MTHFD1L: variants seen among roughly 807,000 people sequenced by gnomAD.
MTHFD1L encodes the protein monofunctional C1-tetrahydrofolate synthase, mitochondrial.
A neutral mutation model predicts 119.5 loss-of-function variants in MTHFD1L; 81 were observed. That is an observed-to-expected ratio of 0.68 (90% CI 0.57 to 0.82). The LOEUF is 0.82. MTHFD1L is among the 40% of genes least tolerant of loss of function. MTHFD1L has a pLI of 0.00. For synonymous variants in MTHFD1L, 430 were observed against 475.2 expected (o/e 0.90, Z 1.24); for missense variants, 1,125 against 1,253.4 (o/e 0.90, Z 1.55).
intron 26 of MTHFD1L, among the ~76,000 whole-genome samples, chr6:151,044,660 A>C (rs1437691292): frequency 6.6e-6 from 1 of 152,038 alleles, no homozygotes; most frequent in Non-Finnish European, 1.5e-5. Flanking sequence ...CTCATGGTGG[A>C]AACCTGCCCA....
At position 151,030,525 on chromosome 6, in the gene MTHFD1L, T is replaced by C. The variant is rs148424101; in HGVS notation, c.2587-3968T>C. Among the ~76,000 whole-genome samples, 15 of 152,342 alleles carry C rather than the reference T, an allele frequency of 9.8e-5. No homozygotes were observed. In the East Asian group the frequency reaches 2.3e-3, roughly 24 times the overall value. ...AAAAAAGGTTGTTCCTTGCCAGGCATTGGTTGATCAGCAGAGGAGCTCGCA... is the reference window on the plus strand; with the variant it reads ...AAAAAAGGTTGTTCCTTGCCAGGCACTGGTTGATCAGCAGAGGAGCTCGCA... On this transcript the variant is annotated intron_variant, in intron 24 of 27. Coordinates refer to ENST00000367321, the MANE Select transcript of MTHFD1L (RefSeq NM_015440.5).
At chr6:150,963,124 C>T (rs1771804) in intron 18 of MTHFD1L, among the ~76,000 whole-genome samples, 69,323 of 151,660 alleles carry the variant, frequency 0.46, 16,774 homozygotes, top group South Asian at 0.55. Context: ...CTATGTTGGC[C>T]AGGCTGGTCT....
chr6:151,024,183 T>C (rs1784331223), intron 24 of MTHFD1L, among the ~76,000 whole-genome samples: 1 of 152,112 alleles, frequency 6.6e-6, no homozygotes, highest in Non-Finnish European at 1.5e-5. Context: ...CATTTCGCTC[T>C]TGTAACACAT....
At chr6:150,887,101 A>G (rs1201310194) in intron 6 of MTHFD1L, among the ~76,000 whole-genome samples, 1 of 152,150 alleles carries the variant, frequency 6.6e-6, no homozygotes, top group African/African-American at 2.4e-5. Context: ...TGAACATCCA[A>G]CAATCAAAGA....
intron 16 of MTHFD1L, among the ~76,000 whole-genome samples, chr6:150,949,900 A>G (rs1794600254): frequency 6.6e-6 from 1 of 152,196 alleles, no homozygotes; most frequent in Admixed American, 6.5e-5. Context: ...CATACGCTGC[A>G]CAGAAACACG....
chr6:150,937,978 T>G (rs1792404025), intron 12 of MTHFD1L, among the ~76,000 whole-genome samples: 1 of 152,190 alleles, frequency 6.6e-6, no homozygotes, highest in South Asian at 2.1e-4. Context: ...AGTTTATAAT[T>G]TACTCATTTG....
intron 20 of MTHFD1L, among the ~76,000 whole-genome samples, chr6:150,972,933 G>A (rs1416634124): frequency 1.3e-5 from 2 of 152,172 alleles, no homozygotes; most frequent in African/African-American, 4.8e-5. Flanking sequence ...GAAAGAAGGG[G>A]CAACTCTCAT....
At chr6:150,907,119 T>C (rs1469920701) in intron 8 of MTHFD1L, among the ~76,000 whole-genome samples, 1 of 152,094 alleles carries the variant, frequency 6.6e-6, no homozygotes, top group Non-Finnish European at 1.5e-5. Flanking sequence ...TTCTTGTAAA[T>C]GAATGCTGCT....
At chr6:151,030,099 C>T (rs1023004624) in intron 24 of MTHFD1L, among the ~76,000 whole-genome samples, 25 of 152,188 alleles carry the variant, frequency 1.6e-4, no homozygotes, top group African/African-American at 3.4e-4. Context: ...ACGTTTACAA[C>T]GTGCTTGCGT....
intron 27 of MTHFD1L, among the ~76,000 whole-genome samples, chr6:151,092,844 C>G (rs746322755): frequency 6.6e-6 from 1 of 152,094 alleles, no homozygotes; most frequent in Non-Finnish European, 1.5e-5. Flanking sequence ...TTATGTCATC[C>G]CTGAATATAG....
At chr6:150,980,325 C>T (rs934802546) in intron 20 of MTHFD1L, among the ~76,000 whole-genome samples, 4 of 152,108 alleles carry the variant, frequency 2.6e-5, no homozygotes, top group African/African-American at 4.8e-5. Context: ...GGCTTGGTGC[C>T]GAAGCTCATT....
At chr6:150,907,890 C>G in intron 8 of MTHFD1L, among the ~76,000 whole-genome samples, 1 of 146,624 alleles carries the variant, frequency 6.8e-6, no homozygotes, top group East Asian at 2.0e-4. Flanking sequence ...AGTAACCGCT[C>G]TGTGAAATTT....
intron 26 of MTHFD1L, among the ~76,000 whole-genome samples, chr6:151,091,618 C>T (rs9689578): frequency 0.1 from 15,874 of 152,062 alleles, 1,539 homozygotes; most frequent in African/African-American, 0.25. Flanking sequence ...TGTCCTCATC[C>T]GTAAAGTAAG....
chr6:151,069,604 A>T (rs541444391), intron 26 of MTHFD1L, among the ~76,000 whole-genome samples: 14 of 152,322 alleles, frequency 9.2e-5, no homozygotes, highest in South Asian at 6.2e-4. Flanking sequence ...ACCATGTTGC[A>T]GTGGCAACGC....
chr6:150,878,354 C>G (rs1007021020), intron 4 of MTHFD1L, among the ~76,000 whole-genome samples: 4 of 151,994 alleles, frequency 2.6e-5, no homozygotes, highest in Admixed American at 6.6e-5. Context: ...CAGGTTCAAG[C>G]AATTCTCCTG....
chr6:150,953,006 G>C (rs933301631), intron 16 of MTHFD1L, among the ~76,000 whole-genome samples: 1 of 152,088 alleles, frequency 6.6e-6, no homozygotes, highest in Non-Finnish European at 1.5e-5. Context: ...CTGCCTGTCC[G>C]AGCCCCGGGG....
At chr6:151,079,222 T>C (rs2128630486) in intron 26 of MTHFD1L, among the ~76,000 whole-genome samples, 1 of 151,980 alleles carries the variant, frequency 6.6e-6, no homozygotes, top group African/African-American at 2.4e-5. Context: ...GACAGCTCGA[T>C]ATTTGGGAGC....
chr6:151,071,680 C>T (rs540267746), intron 26 of MTHFD1L, among the ~76,000 whole-genome samples: 42 of 152,060 alleles, frequency 2.8e-4, no homozygotes, highest in Non-Finnish European at 5.4e-4. Context: ...AGGCAGATAA[C>T]GGAGCAGTAA....
chr6:151,051,102 G>A (rs1288736319), intron 26 of MTHFD1L, among the ~76,000 whole-genome samples: 1 of 152,140 alleles, frequency 6.6e-6, no homozygotes, highest in African/African-American at 2.4e-5. Flanking sequence ...AGGCTAGCTG[G>A]AGGCCCACCC....
Sources: gnomAD v4.1 joint callset for allele counts (sites outside exome capture counted in the v4.1 genomes callset) on GRCh38, gnomAD v4.1.1 for gene constraint, MANE v1.5 for transcripts, NCBI Gene and HGNC (gene_info 2026-07-23, HGNC 2026-07-21) for gene names.